HS3ST5: variants seen among roughly 807,000 people sequenced by gnomAD.
HS3ST5 encodes the protein heparan sulfate glucosamine 3-O-sulfotransferase 5.
In HS3ST5, 10 loss-of-function variants were observed where a neutral mutation model predicts 25.4. The ratio of observed to expected loss-of-function variants is 0.39; its 90% CI spans 0.24 to 0.67. The LOEUF (loss-of-function observed/expected upper bound fraction) is 0.67. HS3ST5 is among the 30% of genes least tolerant of loss of function. The pLI is 0.44. For missense variants in HS3ST5, 324 were observed against 420.7 expected, an observed-to-expected ratio of 0.77 and a Z score of 2.01; for synonymous variants, 170 against 162.4, an observed-to-expected ratio of 1.05 and a Z score of -0.36.
chr6:114,093,272 G>C (rs547146766), intron 3 of HS3ST5, among the ~76,000 whole-genome samples: 1 of 151,942 alleles, frequency 6.6e-6, no homozygotes, highest in South Asian at 2.1e-4. Flanking sequence ...TGCTCCTGAT[G>C]AATATGCACC....
chr6:114,157,942 A>G (rs1430021829), intron 3 of HS3ST5, among the ~76,000 whole-genome samples: 1 of 151,888 alleles, frequency 6.6e-6, no homozygotes, highest in Non-Finnish European at 1.5e-5. Flanking sequence ...TCCTCTGCCT[A>G]TTGCATTCTT....
intron 1 of HS3ST5, among the ~76,000 whole-genome samples, chr6:114,283,760 A>G (rs1774225097): frequency 6.6e-6 from 1 of 152,048 alleles, no homozygotes; most frequent in Admixed American, 6.6e-5. Flanking sequence ...TAATAAACAG[A>G]GCATTTGTGA....
At chr6:114,093,650 C>A (rs1196394416) in intron 3 of HS3ST5, among the ~76,000 whole-genome samples, 2 of 151,910 alleles carry the variant, frequency 1.3e-5, no homozygotes, top group Non-Finnish European at 2.9e-5. Context: ...TACCTGGGCT[C>A]CCCATTGTGC....
At chr6:114,087,946 G>A (rs1200290222) in intron 3 of HS3ST5, among the ~76,000 whole-genome samples, 1 of 152,106 alleles carries the variant, frequency 6.6e-6, no homozygotes, top group Non-Finnish European at 1.5e-5. Flanking sequence ...GGTCTAATAT[G>A]GTAGTCACTA....
intron 1 of HS3ST5, among the ~76,000 whole-genome samples, chr6:114,270,786 A>G (rs1325818980): frequency 1.3e-5 from 2 of 152,158 alleles, no homozygotes; most frequent in Admixed American, 6.6e-5. Context: ...ACTGAATATG[A>G]ATTCAGAAAG....
chr6:114,057,503 T>G lies in HS3ST5; in HGVS notation c.795A>C (p.Glu265Asp). 1 of 1,614,194 alleles carries G rather than the reference T, an allele frequency of 6.2e-7. No individual in the cohort carries two copies. Among genetic ancestry groups the G allele is most frequent in the South Asian group, 1.1e-5 (1 of 91,088 alleles). The change falls in exon 5 of 5, where the codon GAA becomes GAC. Residue 265 changes from glutamate (E) to aspartate (D), a missense_variant. Around this residue, in one of 2 missense-constraint regions of HS3ST5, gnomAD observed 203 missense variants for 303.4 expected, o/e 0.67. Transcript: ENST00000312719. ...TTAGGAACTTCTCCACGAGCTGAAGTTCTGGCAGAGGTTCCGTGATGAGGC... is the reference window on the plus strand; with the variant it reads ...TTAGGAACTTCTCCACGAGCTGAAGGTCTGGCAGAGGTTCCGTGATGAGGC... ...GDRLITEPLP[E>D]LQLVEKFLNL...
At chr6:114,282,580 C>G (rs1774163823) in intron 1 of HS3ST5, among the ~76,000 whole-genome samples, 1 of 152,012 alleles carries the variant, frequency 6.6e-6, no homozygotes, top group South Asian at 2.1e-4. Context: ...AAAGCCTCTT[C>G]CTGTGGTTTG....
chr6:114,211,934 A>G (rs1168855596), intron 2 of HS3ST5, among the ~76,000 whole-genome samples: 4 of 152,232 alleles, frequency 2.6e-5, no homozygotes, highest in Admixed American at 6.5e-5. Flanking sequence ...TGTGCCCCAC[A>G]TTGTTCTGCA....
chr6:114,124,943 G>A (rs1471528650), intron 3 of HS3ST5, among the ~76,000 whole-genome samples: 1 of 152,108 alleles, frequency 6.6e-6, no homozygotes, highest in African/African-American at 2.4e-5. Context: ...TAGTTGTGTG[G>A]CATAAGCAAT....
At chr6:114,204,333 T>C (rs1372689656) in intron 2 of HS3ST5, among the ~76,000 whole-genome samples, 1 of 152,182 alleles carries the variant, frequency 6.6e-6, no homozygotes, top group Non-Finnish European at 1.5e-5. Context: ...TATCAGTTTC[T>C]AGGTCCCAAC....
intron 1 of HS3ST5, among the ~76,000 whole-genome samples, chr6:114,230,568 T>C (rs1442332349): frequency 2.0e-5 from 3 of 151,314 alleles, no homozygotes; most frequent in African/African-American, 7.3e-5. Flanking sequence ...TTAGATGCTA[T>C]AGTATGTTCT....
At chr6:114,228,470 T>C (rs1007667002) in intron 2 of HS3ST5, 115 bp downstream of exon 2, 5 of 152,168 alleles carry the variant, frequency 3.3e-5, no homozygotes, top group Admixed American at 6.5e-5. Flanking sequence ...TGGATAGTTT[T>C]CTTACATTTA....
rs1236219313 is a variant in HS3ST5, at chr6:114,057,077, T to G, written c.*180A>C. The G allele has an allele frequency of 7.6e-6, 4 of 524,342 alleles. No individual in the cohort carries two copies. The East Asian group carries it at 8.8e-5, about 11-fold the overall frequency. The allele number at this position is 524,342 out of a possible 1,614,324, so 32.5% of individuals were successfully genotyped here. A position where few individuals can be genotyped will look rare whatever the true frequency, so the allele number is the denominator to read the frequency against. The stretch of plus-strand genomic sequence containing the variant: ...CGACTATGCAGACAGCAATTTTTTT[T>G]TTTTCGTAAATTTTCAGTAGAAAAA... On this transcript the variant is annotated 3_prime_UTR_variant, in exon 5 of 5. Transcript: ENST00000312719.
chr6:114,112,813 G>GA (rs1562201610), intron 3 of HS3ST5, among the ~76,000 whole-genome samples: 4 of 151,966 alleles, frequency 2.6e-5, no homozygotes, highest in African/African-American at 9.7e-5. Flanking sequence ...TTACTTTACC[G>GA]AAAAAACAAT....
chr6:114,271,634 T>C (rs757901552), intron 1 of HS3ST5, among the ~76,000 whole-genome samples: 1 of 152,110 alleles, frequency 6.6e-6, no homozygotes, highest in Non-Finnish European at 1.5e-5. Flanking sequence ...AATTGTATCC[T>C]ATTTTTTAAA....
At chr6:114,163,583 T>C (rs899590867) in intron 3 of HS3ST5, among the ~76,000 whole-genome samples, 14 of 152,158 alleles carry the variant, frequency 9.2e-5, no homozygotes, top group African/African-American at 3.4e-4. Context: ...AGTTACTCAA[T>C]GTCTTTGAAC....
chr6:114,160,325 TA>T (rs200893418), intron 3 of HS3ST5, among the ~76,000 whole-genome samples: 7 of 150,952 alleles, frequency 4.6e-5, no homozygotes, highest in African/African-American at 1.5e-4. Context: ...GGAGAACGAC[TA>T]AAAAAAAATC....
At chr6:114,165,202 C>T (rs2114991670) in intron 3 of HS3ST5, among the ~76,000 whole-genome samples, 1 of 152,270 alleles carries the variant, frequency 6.6e-6, no homozygotes, top group Non-Finnish European at 1.5e-5. Context: ...ATGTTTTGTC[C>T]TATGTCCAAT....
chr6:114,175,997 T>C (rs1048810419), intron 2 of HS3ST5, among the ~76,000 whole-genome samples: 2 of 152,220 alleles, frequency 1.3e-5, no homozygotes, highest in Non-Finnish European at 2.9e-5. Flanking sequence ...ATTGTTTTCA[T>C]TGGCTCTCTT....
Sources: allele counts gnomAD v4.1 joint callset (sites outside exome capture counted in the v4.1 genomes callset), GRCh38; gene constraint gnomAD v4.1.1; regional missense constraint gnomAD v4.1.1; transcripts MANE v1.5; gene names NCBI Gene and HGNC (gene_info 2026-07-23, HGNC 2026-07-21).